CX3CR1: variants seen among roughly 807,000 people sequenced by gnomAD.
CX3CR1 encodes C-X3-C motif chemokine receptor 1.
For synonymous variants in CX3CR1, 168 were observed against 178.5 expected (o/e 0.94, Z 0.47); for missense variants, 363 against 432.4 (o/e 0.84, Z 1.42).
chr3:39,276,780 TG>T (rs2040845606), intron 1 of CX3CR1, among the ~76,000 whole-genome samples: 2 of 152,182 alleles, frequency 1.3e-5, no homozygotes, highest in African/African-American at 4.8e-5. Context: ...AATCCAAATA[TG>T]AAGATCAAAA....
At chr3:39,276,817 T>C (rs2040845915) in intron 1 of CX3CR1, among the ~76,000 whole-genome samples, 1 of 152,212 alleles carries the variant, frequency 6.6e-6, no homozygotes, top group Non-Finnish European at 1.5e-5. Flanking sequence ...CTATATTGTT[T>C]AGGGATGATA....
In CX3CR1 at chr3:39,265,609, T is replaced by C; in HGVS notation, c.901A>G (p.Arg301Gly). 1 of 1,614,248 alleles carries C rather than the reference T, an allele frequency of 6.2e-7. No individual in the cohort carries two copies. The highest frequency in any genetic ancestry group is 8.5e-7 in the Non-Finnish European group (1 of 1,180,046). Residue 301 changes from arginine to glycine, a missense_variant, in exon 2 of 2, where the codon AGA (arginine) becomes GGA (glycine). By Grantham distance (125) the Arg-to-Gly change is moderately radical. Transcript: ENST00000399220. ...LIYAFAGEKF[R>G]RYLYHLYGKC... ...CCATACAGGTGGTAAAGGTATCTTC[T>C]GAACTTCTCCCCAGCAAATGCATAG...
chr3:39,291,907 TCTG>T, the CX3CR1 span, among the ~76,000 whole-genome samples: 1 of 152,176 alleles, frequency 6.6e-6, no homozygotes, highest in Non-Finnish European at 1.5e-5. Flanking sequence ...GCCTTCGGGG[TCTG>T]CAGAGCTCCT....
the CX3CR1 span, among the ~76,000 whole-genome samples, chr3:39,291,685 A>G: frequency 6.6e-6 from 1 of 152,226 alleles, no homozygotes; most frequent in Non-Finnish European, 1.5e-5. Context: ...CATGGTTTAC[A>G]AAGCACTCCC....
upstream of CX3CR1, chr3:39,280,895 G>C (rs1210783322): frequency 1.2e-5 from 2 of 164,526 alleles, no homozygotes; most frequent in Non-Finnish European, 2.5e-5. Flanking sequence ...CTGACCCCTG[G>C]CATATGCTAT....
chr3:39,291,915 GCTC>G, the CX3CR1 span, among the ~76,000 whole-genome samples: 1 of 152,236 alleles, frequency 6.6e-6, no homozygotes, highest in Non-Finnish European at 1.5e-5. Context: ...GGTCTGCAGA[GCTC>G]CTTTCTAAAG....
chr3:39,264,458 G>C lies in CX3CR1; in HGVS notation c.*984C>G, dbSNP rs989390364. The C allele has an allele frequency of 1.3e-5, 2 of 152,424 alleles. No individual in the cohort carries two copies. The highest frequency in any genetic ancestry group is 2.9e-5 in the Non-Finnish European group (2 of 68,224). The allele number at this position is 152,424 out of a possible 1,614,324, so 9.4% of individuals were successfully genotyped here. On this transcript the variant is annotated 3_prime_UTR_variant, in exon 2 of 2. Transcript: ENST00000399220. The stretch of plus-strand genomic sequence containing the variant: ...GGTTGGAATCCATCCCTTCTTATTT[G>C]GGGGCAGGGTTTTTCTATTTCCCTT...
chr3:39,289,661 C>T, the CX3CR1 span, among the ~76,000 whole-genome samples: 2 of 150,956 alleles, frequency 1.3e-5, no homozygotes, highest in African/African-American at 5.0e-5. Context: ...ATGTTTCCCC[C>T]AACTCCCATT....
chr3:39,265,587 T>C lies in CX3CR1; in HGVS notation c.923A>G (p.Tyr308Cys). Reference sequence around the variant, plus strand: ...ACACAGGACAGCCAGGCATTTCCCATACAGGTGGTAAAGGTATCTTCTGAA... The same window carrying C: ...ACACAGGACAGCCAGGCATTTCCCACACAGGTGGTAAAGGTATCTTCTGAA... ...EKFRRYLYHL[Y>C]GKCLAVLCGR... The change falls in exon 2 of 2, where the codon TAT (tyrosine) becomes TGT (cysteine). Residue 308 changes from tyrosine (Y) to cysteine (C), a missense_variant. Tyr to Cys is a radical substitution (Grantham distance 194). Transcript: ENST00000399220. 1 of 1,614,170 alleles carries C rather than the reference T, an allele frequency of 6.2e-7. No homozygotes were observed. The highest frequency in any genetic ancestry group is 8.5e-7 in the Non-Finnish European group (1 of 1,180,014).
upstream of CX3CR1, among the ~76,000 whole-genome samples, chr3:39,282,553 G>T (rs548976379): frequency 1.3e-5 from 2 of 152,206 alleles, no homozygotes; most frequent in African/African-American, 2.4e-5. Flanking sequence ...CAGACAGAGA[G>T]GCTGTGAGGA....
chr3:39,266,075 A>G lies in CX3CR1; in HGVS notation c.435T>C (p.His145=). Residue 145 remains histidine (H), a synonymous_variant, in exon 2 of 2, where the codon CAT becomes CAC. Coordinates refer to ENST00000399220, the MANE Select transcript of CX3CR1 (RefSeq NM_001337.4). ...ANSMNNRTVQ[H]GVTISLGVWA... is the part of the protein sequence containing the mutation. ...AGACGCCTAGGCTGATGGTGACGCC[A>G]TGCTGCACGGTCCGGTTGTTCATGG... 1 of 1,614,228 alleles carries G rather than the reference A, an allele frequency of 6.2e-7. No individual in the cohort carries two copies. Among genetic ancestry groups the G allele is most frequent in the Non-Finnish European group, 8.5e-7 (1 of 1,180,034 alleles).
chr3:39,280,263 G>C (rs34571589), upstream of CX3CR1: 6 of 985,554 alleles, frequency 6.1e-6, no homozygotes, highest in Admixed American at 3.7e-4. Context: ...ACCTGGAGGT[G>C]GGGGGCAGGG....
upstream of CX3CR1, among the ~76,000 whole-genome samples, chr3:39,282,319 C>T (rs143951222): frequency 2.2e-4 from 33 of 152,302 alleles, no homozygotes; most frequent in African/African-American, 7.7e-4. Flanking sequence ...CAACCCCTCC[C>T]CCGTACTCTC....
chr3:39,280,422 A>T, upstream of CX3CR1: 7 of 985,506 alleles, frequency 7.1e-6, no homozygotes, highest in Non-Finnish European at 8.4e-6. Flanking sequence ...GGGCACACAC[A>T]GCTCTTCTCC....
upstream of CX3CR1, among the ~76,000 whole-genome samples, chr3:39,283,794 ATTAT>A (rs1381717880): frequency 1.7e-5 from 1 of 58,340 alleles, no homozygotes; most frequent in Admixed American, 2.3e-4. Flanking sequence ...AAAAAAAAAA[ATTAT>A]ATATATATAT....
In CX3CR1 at chr3:39,264,521, T is replaced by C. The variant is rs2040667345; in HGVS notation, c.*921A>G. 1 of 152,332 alleles carries C rather than the reference T, an allele frequency of 6.6e-6. No homozygotes were observed. The highest frequency in any genetic ancestry group is 2.1e-4 in the South Asian group (1 of 4,828). The allele number at this position is 152,332 out of a possible 1,614,324, so 9.4% of individuals were successfully genotyped here. A position where few individuals can be genotyped will look rare whatever the true frequency, so the allele number is the denominator to read the frequency against. ...GCAGGTGGAGATGCATGAGGTCATA[T>C]GGAAGAGACAGGCTGATAGGATGGG... On this transcript the variant is annotated 3_prime_UTR_variant, in exon 2 of 2. Coordinates refer to ENST00000399220, the MANE Select transcript of CX3CR1 (RefSeq NM_001337.4).
At chr3:39,286,678 A>AG (rs34659372), upstream of CX3CR1, 1 of 150,536 alleles carries the variant, frequency 6.6e-6, no homozygotes, top group African/African-American at 2.4e-5. Context: ...AAAAAAAAAA[A>AG]GACTATAATT....
At chr3:39,274,891 C>T (rs1055605107) in intron 1 of CX3CR1, among the ~76,000 whole-genome samples, 2 of 149,524 alleles carry the variant, frequency 1.3e-5, no homozygotes, top group Non-Finnish European at 3.0e-5. Context: ...CATGGAGTTT[C>T]ACTCTCATCG....
chr3:39,273,244 G>A (rs886264685), intron 1 of CX3CR1, among the ~76,000 whole-genome samples: 1 of 152,238 alleles, frequency 6.6e-6, no homozygotes, highest in African/African-American at 2.4e-5. Flanking sequence ...TCATAACCCA[G>A]CAGGCTGCCC....
Sources: allele counts gnomAD v4.1 joint callset (sites outside exome capture counted in the v4.1 genomes callset), GRCh38; gene constraint gnomAD v4.1.1; transcripts MANE v1.5; gene names NCBI Gene and HGNC (gene_info 2026-07-23, HGNC 2026-07-21).